SYNE1: variants seen among roughly 807,000 people sequenced by gnomAD.
SYNE1 encodes the protein spectrin repeat containing nuclear envelope protein 1, also known as nesprin-1.
In SYNE1, 616 loss-of-function variants were observed where a neutral mutation model predicts 1,111.0. The observed-to-expected ratio is 0.55, with a 90% confidence interval of 0.52 to 0.59. The LOEUF (loss-of-function observed/expected upper bound fraction) is 0.59, where lower values mean the gene tolerates loss of function less well. Among genes scored for constraint, SYNE1 ranks in the 20% least tolerant of loss-of-function variants. The pLI is 0.00. For missense variants in SYNE1, 10,006 were observed against 10,417.0 expected, an observed-to-expected ratio of 0.96 and a Z score of 1.72; for synonymous variants, 3,855 against 3,825.8, an observed-to-expected ratio of 1.01 and a Z score of -0.28.
intron 3 of SYNE1, among the ~76,000 whole-genome samples, chr6:152,623,923 C>A (rs555497770): frequency 8.8e-6 from 1 of 113,778 alleles, no homozygotes; most frequent in Non-Finnish European, 1.9e-5. Context: ...CAGTATACTT[C>A]TGTTAGTCTG....
intron 6 of SYNE1, among the ~76,000 whole-genome samples, chr6:152,519,085 T>C (rs2099126743): frequency 1.3e-5 from 2 of 151,940 alleles, no homozygotes; most frequent in African/African-American, 4.8e-5. Context: ...CATGTATACA[T>C]ATGTAACAAA....
chr6:152,555,009 G>T (rs1437933324), intron 3 of SYNE1, among the ~76,000 whole-genome samples: 2 of 152,168 alleles, frequency 1.3e-5, no homozygotes, highest in African/African-American at 4.8e-5. Flanking sequence ...AGGTAATGAG[G>T]TTTAAGACAT....
chr6:152,281,145 T>C (rs2094002379), intron 97 of SYNE1, among the ~76,000 whole-genome samples: 2 of 152,250 alleles, frequency 1.3e-5, no homozygotes, highest in South Asian at 4.1e-4. Context: ...AAGTCAAATA[T>C]GAAGATCATC....
At chr6:152,488,272 G>A (rs2098951819) in intron 12 of SYNE1, 124 bp downstream of exon 12, 6 of 616,836 alleles carry the variant, frequency 9.7e-6, no homozygotes, top group Non-Finnish European at 1.7e-5. Flanking sequence ...GGTAATGAAT[G>A]TTATGTCTTT....
At chr6:152,236,053 TA>T (rs2083958230) in intron 110 of SYNE1, 53 bp downstream of exon 110, 1 of 1,581,322 alleles carries the variant, frequency 6.3e-7, no homozygotes, top group African/African-American at 1.3e-5. Context: ...GCACTAGCCT[TA>T]TTAATACAAT....
chr6:152,396,577 T>TA (rs1160406821), intron 50 of SYNE1, among the ~76,000 whole-genome samples, 198 bp downstream of exon 50: 3 of 152,266 alleles, frequency 2.0e-5, no homozygotes, highest in East Asian at 1.9e-4. Flanking sequence ...TTCTCTATAT[T>TA]AAAAAAAGCC....
At chr6:152,240,022 C>T (rs1297336493) in intron 107 of SYNE1, among the ~76,000 whole-genome samples, 1 of 152,204 alleles carries the variant, frequency 6.6e-6, no homozygotes, top group East Asian at 1.9e-4. Context: ...CGTGCCACTG[C>T]ACTCCAGCCT....
chr6:152,456,144 A>G, intron 22 of SYNE1, 100 bp from the exon 23 acceptor site: 1 of 1,301,108 alleles, frequency 7.7e-7, no homozygotes, highest in Non-Finnish European at 1.1e-6. Context: ...AACATTATAT[A>G]GCTTTTAGGC....
chr6:152,455,887 T>C lies in SYNE1; in HGVS notation c.2726A>G (p.Gln909Arg). 6.2e-7 allele frequency: 1 copy of C among 1,614,048 alleles called. No individual in the cohort carries two copies. The highest frequency in any genetic ancestry group is 8.5e-7 in the Non-Finnish European group (1 of 1,179,952). The change falls in exon 23 of 146, where the codon CAG becomes CGG. Residue 909 changes from glutamine to arginine, a missense_variant and splice_region_variant. Gln to Arg is a conservative substitution (Grantham distance 43). Around this residue, in one of 7 missense-constraint regions of SYNE1, gnomAD observed 1,971 missense variants for 2,084.1 expected, o/e 0.95. Transcript: ENST00000367255. Reference protein sequence around the residue: ...RQIADIHVAFQSMVKKTGDWK... With the variant: ...RQIADIHVAFRSMVKKTGDWK... Reference sequence around the variant, plus strand: ...TCTAAAGCAGGGAGAGCAAATTACCTGAAAAGCAACATGAATATCTGCAAT... The same window carrying C: ...TCTAAAGCAGGGAGAGCAAATTACCCGAAAAGCAACATGAATATCTGCAAT...
At chr6:152,198,898 T>C (rs2074761127) in intron 127 of SYNE1, among the ~76,000 whole-genome samples, 2 of 151,500 alleles carry the variant, frequency 1.3e-5, no homozygotes, top group African/African-American at 4.9e-5. Context: ...ACCAAAATTA[T>C]GCAGACATAT....
intron 3 of SYNE1, among the ~76,000 whole-genome samples, chr6:152,601,528 G>C (rs1268833670): frequency 6.6e-6 from 1 of 152,186 alleles, no homozygotes; most frequent in African/African-American, 2.4e-5. Context: ...AGCAGGATTA[G>C]AATGTGGATG....
intron 108 of SYNE1, among the ~76,000 whole-genome samples, chr6:152,238,938 G>A (rs1245489676): frequency 7.0e-6 from 1 of 143,792 alleles, no homozygotes; most frequent in Non-Finnish European, 1.5e-5. Context: ...TACTCCCGTT[G>A]CCCAGGCTGG....
chr6:152,503,225 C>T (rs1305627609), intron 9 of SYNE1, among the ~76,000 whole-genome samples: 1 of 151,516 alleles, frequency 6.6e-6, no homozygotes, highest in Non-Finnish European at 1.5e-5. Flanking sequence ...TATAGACAAG[C>T]CCCCTCTCTG....
At chr6:152,361,436 G>T (rs1420019558) in intron 64 of SYNE1, among the ~76,000 whole-genome samples, 2 of 152,248 alleles carry the variant, frequency 1.3e-5, no homozygotes, top group Non-Finnish European at 2.9e-5. Flanking sequence ...GTCTGTTCCA[G>T]TTCAGGTGAA....
rs1040086923 is a variant in SYNE1, at chr6:152,455,588, A to G, written c.2730T>C (p.Ser910=). ...QIADIHVAFQ[S]MVKKTGDWKK... Reference sequence around the variant, plus strand: ...TCCAATCTCCAGTTTTCTTTACCATACTCTTGATGTGAAAAACAATCATAA... The same window carrying G: ...TCCAATCTCCAGTTTTCTTTACCATGCTCTTGATGTGAAAAACAATCATAA... Residue 910 remains serine, a splice_region_variant and synonymous_variant, in exon 24 of 146, where the codon AGT becomes AGC. Coordinates refer to ENST00000367255, the MANE Select transcript of SYNE1 (RefSeq NM_182961.4). 6.2e-7 allele frequency: 1 copy of G among 1,613,724 alleles called. No individual in the cohort carries two copies. The highest frequency in any genetic ancestry group is 8.5e-7 in the Non-Finnish European group (1 of 1,179,938).
intron 6 of SYNE1, among the ~76,000 whole-genome samples, chr6:152,512,657 G>T (rs1594370678): frequency 6.6e-6 from 1 of 152,216 alleles, no homozygotes; most frequent in East Asian, 1.9e-4. Flanking sequence ...ATTGTACATT[G>T]TTAACATATT....
chr6:152,281,721 A>T (rs1385327339), intron 97 of SYNE1, 86 bp downstream of exon 97: 2 of 1,450,592 alleles, frequency 1.4e-6, no homozygotes, highest in East Asian at 4.6e-5. Flanking sequence ...ATATATCCAC[A>T]CCAAGCCTTT....
At chr6:152,623,668 C>G (rs545525277) in intron 3 of SYNE1, among the ~76,000 whole-genome samples, 1 of 152,126 alleles carries the variant, frequency 6.6e-6, no homozygotes, top group Admixed American at 6.5e-5. Flanking sequence ...CTTAAATTTA[C>G]AAGAAAAATC....
At chr6:152,567,234 A>G (rs1020925545) in intron 3 of SYNE1, among the ~76,000 whole-genome samples, 2 of 152,164 alleles carry the variant, frequency 1.3e-5, no homozygotes, top group Non-Finnish European at 2.9e-5. Context: ...CCTTCTTTTT[A>G]AAAGCTGAAT....
Sources: gnomAD v4.1 joint callset for allele counts (sites outside exome capture counted in the v4.1 genomes callset) on GRCh38, gnomAD v4.1.1 for gene constraint, gnomAD v4.1.1 regional missense constraint, MANE v1.5 for transcripts, NCBI Gene and HGNC (gene_info 2026-07-23, HGNC 2026-07-21) for gene names.